Variants in ZC2HC1A observed in about 807,000 individuals in gnomAD.
ZC2HC1A encodes zinc finger C2HC-type containing 1A.
Under a neutral mutation model 40.7 loss-of-function variants are expected in ZC2HC1A, and 28 were observed. That is an observed-to-expected ratio of 0.69 (90% CI 0.51 to 0.94). The LOEUF is 0.94. Ranked by LOEUF, ZC2HC1A falls within the 40% of genes least tolerant of loss-of-function variation. ZC2HC1A has a pLI of 0.00. For missense variants in ZC2HC1A, 389 were observed against 386.3 expected (o/e 1.01, Z -0.06); for synonymous variants, 129 against 129.2 (o/e 1.00, Z 0.01).
At chr8:78,697,360 A>T in intron 5 of ZC2HC1A, 47 bp from the exon 6 acceptor site, 1 of 1,449,998 alleles carries the variant, frequency 6.9e-7, no homozygotes, top group Non-Finnish European at 9.5e-7. Context: ...TTTACAATCC[A>T]TAATCAAAAA....
chr8:78,697,527 A>G (rs201338405), intron 6 of ZC2HC1A, 21 bp downstream of exon 6: 3 of 1,589,304 alleles, frequency 1.9e-6, no homozygotes, highest in South Asian at 2.3e-5. Flanking sequence ...CCGAAAAGCA[A>G]CTTGATTTGT....
At chr8:78,678,842 C>G (rs1445612103) in intron 3 of ZC2HC1A, 163 bp downstream of exon 3, 1 of 433,154 alleles carries the variant, frequency 2.3e-6, no homozygotes, top group Non-Finnish European at 3.9e-6. Context: ...TAGAAATTAT[C>G]TGAAGCTTAT....
chr8:78,711,248 G>T (rs904542384), intron 7 of ZC2HC1A, among the ~76,000 whole-genome samples: 1 of 152,112 alleles, frequency 6.6e-6, no homozygotes, highest in African/African-American at 2.4e-5. Flanking sequence ...CTAGATGTTG[G>T]TTGGTGATAG....
intron 5 of ZC2HC1A, among the ~76,000 whole-genome samples, chr8:78,696,323 C>T (rs1007093834): frequency 3.9e-5 from 6 of 152,150 alleles, no homozygotes; most frequent in Admixed American, 2.0e-4. Context: ...CATGAGCCAC[C>T]GTGCCCAGCC....
intron 4 of ZC2HC1A, among the ~76,000 whole-genome samples, chr8:78,687,626 G>A (rs1469776122): frequency 3.2e-5 from 4 of 123,966 alleles, no homozygotes; most frequent in Middle Eastern, 6.2e-3. Flanking sequence ...ATATATTTAC[G>A]TAATACATTA....
chr8:78,670,414 T>C (rs1056899161), intron 1 of ZC2HC1A, among the ~76,000 whole-genome samples: 1 of 152,292 alleles, frequency 6.6e-6, no homozygotes, highest in African/African-American at 2.4e-5. Context: ...GTGGAGAACA[T>C]TGGTTTTGGG....
intron 3 of ZC2HC1A, among the ~76,000 whole-genome samples, chr8:78,681,796 A>C (rs1809791609): frequency 6.6e-6 from 1 of 151,808 alleles, no homozygotes; most frequent in Admixed American, 6.6e-5. Context: ...TAATTATTAA[A>C]TTTATTGGCA....
chr8:78,698,438 C>T lies in ZC2HC1A; in HGVS notation c.629C>T (p.Ser210Leu), dbSNP rs142471753. 2 of 1,612,640 alleles carry T rather than the reference C, an allele frequency of 1.2e-6. No homozygotes were observed. Among genetic ancestry groups the T allele is most frequent in the African/African-American group, 2.7e-5 (2 of 74,848 alleles). The change falls in exon 7 of 9, where the codon TCA (serine) becomes TTA (leucine). Residue 210 changes from serine (S) to leucine (L), a missense_variant. Ser to Leu is a moderately radical substitution (Grantham distance 145). Coordinates refer to ENST00000263849, the MANE Select transcript of ZC2HC1A (RefSeq NM_016010.3). ...GGTGTTCCTTCAGGTAAAGTGTCTT[C>T]AAGTAGCAGCTCTTTGGGAAACAAA... ...VVGVPSGKVS[S>L]SSSSLGNKLQ... is the part of the protein sequence containing the mutation.
chr8:78,668,644 A>G (rs556897426), intron 1 of ZC2HC1A, among the ~76,000 whole-genome samples: 2 of 152,304 alleles, frequency 1.3e-5, no homozygotes, highest in East Asian at 3.9e-4. Context: ...CTCAAACACT[A>G]TACTTTGAAA....
At chr8:78,670,994 A>G (rs1343039056) in intron 1 of ZC2HC1A, among the ~76,000 whole-genome samples, 1 of 152,200 alleles carries the variant, frequency 6.6e-6, no homozygotes, top group Non-Finnish European at 1.5e-5. Flanking sequence ...GCTTCAGAAG[A>G]AAGATTTGTT....
intron 5 of ZC2HC1A, among the ~76,000 whole-genome samples, chr8:78,690,559 CA>C (rs36016408): frequency 0.17 from 15,543 of 92,442 alleles, 950 homozygotes; most frequent in African/African-American, 0.29. Flanking sequence ...GAGACTGTCT[CA>C]AAAAAAAAAA....
At chr8:78,688,970 GTTT>G (rs990557761) in intron 4 of ZC2HC1A, among the ~76,000 whole-genome samples, 1 of 148,566 alleles carries the variant, frequency 6.7e-6, no homozygotes, top group Non-Finnish European at 1.5e-5. Context: ...TTTATCTTTT[GTTT>G]TTTTTCCTTC....
intron 4 of ZC2HC1A, among the ~76,000 whole-genome samples, chr8:78,687,650 G>A (rs1810044328): frequency 1.7e-5 from 2 of 115,938 alleles, no homozygotes; most frequent in African/African-American, 3.1e-5. Context: ...ATATATTTAC[G>A]TAATACATTA....
chr8:78,697,465 C>T lies in ZC2HC1A; in HGVS notation c.563C>T (p.Ser188Leu), dbSNP rs1277775364. ...NSPGTASSGS[S>L]RLPQPSGAGK... ...CCTGGAACTGCATCATCAGGATCTT[C>T]ACGATTACCGCAGCCAAGTGGCGCT... The change falls in exon 6 of 9, where the codon TCA (serine) becomes TTA (leucine). Residue 188 changes from serine to leucine, a missense_variant. Ser to Leu is a moderately radical substitution (Grantham distance 145). Coordinates refer to ENST00000263849, the MANE Select transcript of ZC2HC1A (RefSeq NM_016010.3). The T allele has an allele frequency of 6.2e-7, 1 of 1,610,726 alleles. No homozygotes were observed. The highest frequency in any genetic ancestry group is 8.5e-7 in the Non-Finnish European group (1 of 1,179,246).
intron 2 of ZC2HC1A, 79 bp downstream of exon 2, chr8:78,675,942 G>A (rs1010994257): frequency 4.0e-6 from 5 of 1,249,076 alleles, no homozygotes; most frequent in African/African-American, 3.0e-5. Context: ...CTCATGGGAA[G>A]AATTTACGTG....
Position 78,684,405 on chromosome 8 carries a change from G to A in ZC2HC1A, c.211-2062G>A, listed in dbSNP as rs1809887999. ...TTTGTAAAACCATCAGATCTCATGA[G>A]ACTCATTCACTGTCATGAGGACGGC... On this transcript the variant is annotated intron_variant, in intron 3 of 8. Coordinates refer to ENST00000263849, the MANE Select transcript of ZC2HC1A (RefSeq NM_016010.3). 2.0e-5 allele frequency among the ~76,000 whole-genome samples: 3 copies of A among 151,810 alleles called. No homozygotes were observed. The South Asian group carries it at 6.2e-4, about 31-fold the overall frequency.
chr8:78,673,377 C>T (rs1026277418), intron 1 of ZC2HC1A, among the ~76,000 whole-genome samples: 4 of 152,100 alleles, frequency 2.6e-5, no homozygotes, highest in Admixed American at 6.6e-5. Context: ...AGTAAGCATA[C>T]GTGTGCATGT....
At chr8:78,674,183 G>A (rs1809507997) in intron 1 of ZC2HC1A, among the ~76,000 whole-genome samples, 3 of 152,194 alleles carry the variant, frequency 2.0e-5, no homozygotes, top group Admixed American at 1.3e-4. Flanking sequence ...ATATTACTTA[G>A]TACATGCTTG....
At chr8:78,698,047 G>T (rs931060113) in intron 6 of ZC2HC1A, among the ~76,000 whole-genome samples, 1 of 152,072 alleles carries the variant, frequency 6.6e-6, no homozygotes, top group Admixed American at 6.6e-5. Context: ...CATCTGTTCA[G>T]AATAGTCAGC....
Sources: allele counts gnomAD v4.1 joint callset (sites outside exome capture counted in the v4.1 genomes callset), GRCh38; gene constraint gnomAD v4.1.1; transcripts MANE v1.5; gene names NCBI Gene and HGNC (gene_info 2026-07-23, HGNC 2026-07-21).